Variants in GTF2H1 observed in about 807,000 individuals in gnomAD.
The protein encoded by GTF2H1 is general transcription factor IIH subunit 1.
A neutral mutation model predicts 71.2 loss-of-function variants in GTF2H1; 16 were observed. The observed-to-expected ratio is 0.22, with a 90% CI of 0.15 to 0.34. GTF2H1 has a LOEUF of 0.34. Ranked by LOEUF, GTF2H1 falls within the 10% of genes least tolerant of loss-of-function variation. The probability of loss-of-function intolerance (pLI) is 1.00; values close to 1 mark genes in which losing one functional copy is unlikely to be tolerated. For missense variants in GTF2H1, 498 were observed against 648.2 expected (o/e 0.77, Z 2.52); for synonymous variants, 215 against 219.0 (o/e 0.98, Z 0.16).
intron 5 of GTF2H1, among the ~76,000 whole-genome samples, chr11:18,340,524 G>A (rs1181098626): frequency 6.6e-6 from 1 of 152,158 alleles, no homozygotes; most frequent in Non-Finnish European, 1.5e-5. Flanking sequence ...CTGACCTCAA[G>A]TGATCTGCCC....
At chr11:18,348,330 T>C in intron 9 of GTF2H1, 1 of 265,500 alleles carries the variant, frequency 3.8e-6, no homozygotes, top group Non-Finnish European at 7.0e-6. Flanking sequence ...ATTTCAGAGC[T>C]GAAAGTGTCT....
chr11:18,324,356 AAATC>A (rs1165520387), intron 1 of GTF2H1: 1 of 152,242 alleles, frequency 6.6e-6, no homozygotes, highest in African/African-American at 2.4e-5. Flanking sequence ...ATGTGAAAAA[AAATC>A]AAAGCAAATT....
rs763496486 is a variant in GTF2H1 at position 18,358,684 on chromosome 11, C to T, written c.1467+44C>T. The T allele has an allele frequency of 5.0e-6, 6 of 1,207,784 alleles. No homozygotes were observed. In the South Asian group the frequency reaches 7.3e-5, roughly 15 times the overall value. 74.8% of individuals were successfully genotyped at this position (1,207,784 alleles called of 1,614,324 possible). A position where few individuals can be genotyped will look rare whatever the true frequency, so the allele number is the denominator to read the frequency against. ...GACAGCCAGATAATTGTGGTAGTGA[C>T]TTACAAGAAGTTTTGAAATTGGAAA... On this transcript the variant is annotated intron_variant, in intron 13 of 14. Transcript: ENST00000265963.
At chr11:18,330,625 C>G (rs1447909977) in intron 1 of GTF2H1, among the ~76,000 whole-genome samples, 1 of 152,212 alleles carries the variant, frequency 6.6e-6, no homozygotes, top group African/African-American at 2.4e-5. Flanking sequence ...GAAAGGCTGA[C>G]TTGTAGCTTA....
At chr11:18,361,447 A>G (rs1865695702) in intron 14 of GTF2H1, among the ~76,000 whole-genome samples, 1 of 152,112 alleles carries the variant, frequency 6.6e-6, no homozygotes, top group African/African-American at 2.4e-5. Flanking sequence ...CAGGCTGATC[A>G]CTTGAGGTCA....
intron 3 of GTF2H1, among the ~76,000 whole-genome samples, chr11:18,336,342 G>A (rs1029570261): frequency 2.6e-5 from 4 of 151,920 alleles, no homozygotes; most frequent in African/African-American, 9.7e-5. Context: ...GGTCAGGCTG[G>A]TCTCGAACTT....
chr11:18,338,178 T>G lies in GTF2H1; in HGVS notation c.417T>G (p.Ala139=). The change falls in exon 4 of 15, where the codon GCT becomes GCG. Residue 139 remains alanine (A), a synonymous_variant. Transcript: ENST00000265963. ...TTGTTGTGAGTCAAGTGATCAGTGC[T>G]GAGGAATTCTGGGCCAATCGTTTAA... The part of the protein sequence containing the change: ...KDLVVSQVIS[A]EEFWANRLNV... 1 of 1,606,968 alleles carries G rather than the reference T, an allele frequency of 6.2e-7. No homozygotes were observed. The highest frequency in any genetic ancestry group is 8.5e-7 in the Non-Finnish European group (1 of 1,173,456).
At chr11:18,328,127 G>A (rs1050647403) in intron 1 of GTF2H1, among the ~76,000 whole-genome samples, 2 of 151,102 alleles carry the variant, frequency 1.3e-5, no homozygotes, top group African/African-American at 4.9e-5. Context: ...CACTTGAACT[G>A]GGGAGGCGGA....
intron 1 of GTF2H1, 40 bp from the exon 2 acceptor site, chr11:18,333,020 G>A: frequency 6.8e-7 from 1 of 1,459,930 alleles, no homozygotes; most frequent in South Asian, 1.3e-5. Flanking sequence ...TAATTGATGT[G>A]TGGAATAGTT....
intron 14 of GTF2H1, among the ~76,000 whole-genome samples, chr11:18,361,275 T>C (rs1402100542): frequency 6.6e-6 from 1 of 152,188 alleles, no homozygotes; most frequent in Non-Finnish European, 1.5e-5. Flanking sequence ...ATTCCCTGAG[T>C]GCCCCTGTCC....
At chr11:18,330,168 T>G (rs942879329) in intron 1 of GTF2H1, among the ~76,000 whole-genome samples, 2 of 152,224 alleles carry the variant, frequency 1.3e-5, no homozygotes, top group African/African-American at 4.8e-5. Context: ...AATGGCTTTT[T>G]AAAAATTCTG....
chr11:18,327,818 G>C (rs1276063046), intron 1 of GTF2H1, among the ~76,000 whole-genome samples: 1 of 152,170 alleles, frequency 6.6e-6, no homozygotes, highest in Non-Finnish European at 1.5e-5. Flanking sequence ...CAAACTCCTG[G>C]TCTCAGGCAG....
chr11:18,326,534 G>A (rs1481274382), intron 1 of GTF2H1, among the ~76,000 whole-genome samples: 3 of 151,894 alleles, frequency 2.0e-5, no homozygotes, highest in Middle Eastern at 3.4e-3. Context: ...AAAAAAAAAG[G>A]TTATGTTTTT....
At position 18,357,115 on chromosome 11, in the gene GTF2H1, A is replaced by G. The variant is rs150922803; in HGVS notation, c.1261-837A>G. On this transcript the variant is annotated intron_variant, in intron 11 of 14. Transcript: ENST00000265963. ...TAAGTTGAAAAAATGTTTTCATCCA[A>G]TCTATACATGGATGGATTTCTACTC... 4.6e-3 allele frequency among the ~76,000 whole-genome samples: 707 copies of G among 152,238 alleles called. 4 individuals carry two copies. The highest frequency in any genetic ancestry group is 8.1e-3 in the Non-Finnish European group (552 of 68,020).
At chr11:18,353,360 C>T (rs1865471030) in intron 11 of GTF2H1, among the ~76,000 whole-genome samples, 1 of 152,248 alleles carries the variant, frequency 6.6e-6, no homozygotes, top group South Asian at 2.1e-4. Flanking sequence ...TCTTTATAGT[C>T]TGGCCCCAGC....
chr11:18,351,032 G>C (rs1007128875), intron 9 of GTF2H1, among the ~76,000 whole-genome samples: 1 of 152,050 alleles, frequency 6.6e-6, no homozygotes, highest in African/African-American at 2.4e-5. Flanking sequence ...TTTTACAAAT[G>C]GTGTTAGAAG....
intron 9 of GTF2H1, 130 bp from the exon 10 acceptor site, chr11:18,351,751 C>T (rs547306213): frequency 1.8e-6 from 1 of 564,182 alleles, no homozygotes; most frequent in South Asian, 2.5e-5. Context: ...GGACAGTCAT[C>T]TCTAGGAAGA....
chr11:18,351,374 C>T (rs1224994795), intron 9 of GTF2H1, among the ~76,000 whole-genome samples: 5 of 151,488 alleles, frequency 3.3e-5, no homozygotes, highest in African/African-American at 1.2e-4. Flanking sequence ...CTCTGCCTCC[C>T]GGGTTCAAGC....
chr11:18,337,341 A>G (rs1311483540), intron 3 of GTF2H1, among the ~76,000 whole-genome samples: 1 of 152,126 alleles, frequency 6.6e-6, no homozygotes, highest in African/African-American at 2.4e-5. Context: ...GCAACTTGGG[A>G]GGCTGAGTCA....
Sources: allele counts gnomAD v4.1 joint callset (sites outside exome capture counted in the v4.1 genomes callset), GRCh38; gene constraint gnomAD v4.1.1; transcripts MANE v1.5; gene names NCBI Gene and HGNC (gene_info 2026-07-23, HGNC 2026-07-21).